TBC1D9: variants seen among roughly 807,000 people sequenced by gnomAD.
The protein encoded by TBC1D9 is TBC1 domain family member 9.
Under a neutral mutation model 132.0 loss-of-function variants are expected in TBC1D9, and 63 were observed. The ratio of observed to expected loss-of-function variants is 0.48; its 90% CI spans 0.39 to 0.59. TBC1D9 has a LOEUF of 0.59. Ranked by LOEUF, TBC1D9 falls within the 20% of genes least tolerant of loss-of-function variation. The probability of loss-of-function intolerance (pLI) is 0.00; values close to 1 mark genes in which losing one functional copy is unlikely to be tolerated. For synonymous variants in TBC1D9, 610 were observed against 609.9 expected (o/e 1.00, Z 0.00); for missense variants, 1,261 against 1,592.7 (o/e 0.79, Z 3.54).
chr4:140,634,425 T>C (rs943827106), intron 15 of TBC1D9, among the ~76,000 whole-genome samples: 1 of 152,162 alleles, frequency 6.6e-6, no homozygotes, highest in Non-Finnish European at 1.5e-5. Flanking sequence ...TCTGCTTCAA[T>C]TACTGGGTGT....
chr4:140,649,372 A>G (rs1737151324), intron 13 of TBC1D9, among the ~76,000 whole-genome samples: 1 of 152,234 alleles, frequency 6.6e-6, no homozygotes, highest in African/African-American at 2.4e-5. Context: ...TTGTGGGGTT[A>G]TTTTCCCAGT....
chr4:140,693,017 G>C (rs1737900459), intron 2 of TBC1D9, among the ~76,000 whole-genome samples: 1 of 151,528 alleles, frequency 6.6e-6, no homozygotes. Flanking sequence ...TCCAGAGTGA[G>C]ACCCTGTTTC....
At chr4:140,670,068 G>A (rs1237036795) in intron 7 of TBC1D9, among the ~76,000 whole-genome samples, 1 of 152,138 alleles carries the variant, frequency 6.6e-6, no homozygotes, top group Non-Finnish European at 1.5e-5. Flanking sequence ...CAAAGTGCTT[G>A]GCCATTTGTT....
Position 140,624,236 on chromosome 4 carries a change from A to T in TBC1D9, c.2975-17T>A. On this transcript the variant is annotated splice_polypyrimidine_tract_variant and intron_variant, in intron 19 of 20. Coordinates refer to ENST00000442267, the MANE Select transcript of TBC1D9 (RefSeq NM_015130.3). ...CTCTCTTCCCTACAACCCAAATGTC[A>T]AGAAATAAGTGCTTACAGGCCAAAA... 6.2e-7 allele frequency: 1 copy of T among 1,611,152 alleles called. No individual in the cohort carries two copies. Among genetic ancestry groups the T allele is most frequent in the Non-Finnish European group, 8.5e-7 (1 of 1,178,296 alleles).
chr4:140,721,765 C>T (rs6853171), intron 1 of TBC1D9, among the ~76,000 whole-genome samples: 58,863 of 152,042 alleles, frequency 0.39, 13,592 homozygotes, highest in African/African-American at 0.64. Flanking sequence ...CCCCATCTTC[C>T]TGCTGGTTTT....
chr4:140,694,207 A>G (rs1737917391), intron 2 of TBC1D9, among the ~76,000 whole-genome samples: 1 of 152,220 alleles, frequency 6.6e-6, no homozygotes, highest in South Asian at 2.1e-4. Context: ...TAGTAGGGGA[A>G]AAAACCCTAG....
chr4:140,709,700 A>G (rs908586524), intron 1 of TBC1D9, among the ~76,000 whole-genome samples: 2 of 152,044 alleles, frequency 1.3e-5, no homozygotes, highest in African/African-American at 4.8e-5. Context: ...ATGGAAGACA[A>G]TTTTTCCATG....
intron 3 of TBC1D9, among the ~76,000 whole-genome samples, chr4:140,681,174 A>C (rs1158731747): frequency 6.6e-6 from 1 of 152,132 alleles, no homozygotes; most frequent in Non-Finnish European, 1.5e-5. Flanking sequence ...TTGGGGCCTG[A>C]ACATGTCATT....
chr4:140,635,065 C>T (rs894563440), intron 15 of TBC1D9, among the ~76,000 whole-genome samples: 4 of 152,110 alleles, frequency 2.6e-5, no homozygotes, highest in Non-Finnish European at 5.9e-5. Flanking sequence ...ATAGTTAACT[C>T]TGGGTGGCAG....
At chr4:140,637,136 G>A (rs111276431) in intron 15 of TBC1D9, among the ~76,000 whole-genome samples, 4,533 of 152,224 alleles carry the variant, frequency 0.03, 242 homozygotes, top group African/African-American at 0.1. Flanking sequence ...CAGATCACAA[G>A]GTCAGGAGTT....
At chr4:140,643,854 G>T in intron 13 of TBC1D9, 1 of 723,306 alleles carries the variant, frequency 1.4e-6, no homozygotes. Context: ...TCCGCCTGCA[G>T]GGCTCGGGGT....
At chr4:140,675,289 A>T (rs1737606330) in intron 6 of TBC1D9, among the ~76,000 whole-genome samples, 2 of 152,118 alleles carry the variant, frequency 1.3e-5, no homozygotes, top group African/African-American at 4.8e-5. Flanking sequence ...AAATAAGAAG[A>T]AACTATGCCT....
At chr4:140,699,849 G>T (rs111528490) in intron 2 of TBC1D9, among the ~76,000 whole-genome samples, 3,305 of 152,310 alleles carry the variant, frequency 0.022, 113 homozygotes, top group African/African-American at 0.075. Context: ...AGGAAACTCT[G>T]CATGGGGGGT....
chr4:140,658,930 A>C (rs1264283820), intron 11 of TBC1D9, among the ~76,000 whole-genome samples: 1 of 152,224 alleles, frequency 6.6e-6, no homozygotes, highest in African/African-American at 2.4e-5. Context: ...GATCAACGTA[A>C]GGACATTTTT....
rs200090051 is a variant in TBC1D9, at chr4:140,687,343, C to CATATATAT, written c.242-889_242-882dup. 5.4e-3 allele frequency among the ~76,000 whole-genome samples: 202 copies of CATATATAT among 37,676 alleles called. 7 individuals carry two copies. The highest frequency in any genetic ancestry group is 0.01 in the East Asian group (6 of 598). 24.7% of individuals were successfully genotyped at this position (37,676 alleles called of 152,430 possible). A position where few individuals can be genotyped will look rare whatever the true frequency, so the allele number is the denominator to read the frequency against. ...TATATGTGTGTGTGTGTGTGTGTGT[C>CATATATAT]ATATATATATATATATATATATATA... On this transcript the variant is annotated intron_variant, in intron 2 of 20. Coordinates refer to ENST00000442267, the MANE Select transcript of TBC1D9 (RefSeq NM_015130.3).
chr4:140,642,957 T>C (rs1737030584), intron 13 of TBC1D9: 1 of 643,856 alleles, frequency 1.6e-6, no homozygotes, highest in Admixed American at 2.9e-5. Context: ...CTTCTCCTTG[T>C]ACTGGTGCTG....
intron 1 of TBC1D9, among the ~76,000 whole-genome samples, chr4:140,738,265 T>C (rs929512161): frequency 3.3e-5 from 5 of 152,186 alleles, no homozygotes; most frequent in Admixed American, 2.6e-4. Flanking sequence ...CTGCCTTCCT[T>C]TTGTTCCCAA....
intron 2 of TBC1D9, among the ~76,000 whole-genome samples, chr4:140,697,249 G>C (rs1560888798): frequency 2.0e-5 from 3 of 152,114 alleles, no homozygotes; most frequent in African/African-American, 7.2e-5. Flanking sequence ...GGGCACGGTG[G>C]TGTGTGCCTG....
intron 13 of TBC1D9, chr4:140,642,803 C>G: frequency 1.6e-6 from 1 of 621,440 alleles, no homozygotes; most frequent in Non-Finnish European, 2.9e-6. Flanking sequence ...GCTACTGTTG[C>G]AGTTCTTCCC....
Sources: gnomAD v4.1 joint callset for allele counts (sites outside exome capture counted in the v4.1 genomes callset) on GRCh38, gnomAD v4.1.1 for gene constraint, MANE v1.5 for transcripts, NCBI Gene and HGNC (gene_info 2026-07-23, HGNC 2026-07-21) for gene names.